Variants in PDCD6IP observed in about 807,000 individuals in gnomAD.
The protein encoded by PDCD6IP is programmed cell death 6 interacting protein.
A neutral mutation model predicts 103.7 loss-of-function variants in PDCD6IP; 43 were observed. That is an observed-to-expected ratio of 0.41 (90% CI 0.32 to 0.53). The LOEUF (loss-of-function observed/expected upper bound fraction) is 0.53. Among genes scored for constraint, PDCD6IP ranks in the 20% least tolerant of loss-of-function variants. PDCD6IP has a pLI of 0.16. For missense variants in PDCD6IP, 871 were observed against 1,036.7 expected (o/e 0.84, Z 2.20); for synonymous variants, 354 against 378.7 (o/e 0.93, Z 0.76).
intron 7 of PDCD6IP, chr3:33,835,214 A>G (rs1288163201): frequency 2.2e-6 from 1 of 456,482 alleles, no homozygotes; most frequent in South Asian, 1.5e-5. Context: ...TGATGTTGAC[A>G]TGTTGTTCAC....
intron 9 of PDCD6IP, among the ~76,000 whole-genome samples, chr3:33,841,400 A>ATT (rs201496271): frequency 3.5e-4 from 25 of 71,438 alleles, no homozygotes; most frequent in Non-Finnish European, 5.9e-4. Context: ...TCAATCACTG[A>ATT]TTTTTTTTGT....
chr3:33,844,052 T>C lies in PDCD6IP; in HGVS notation c.1360-60T>C, dbSNP rs541044586. The C allele has an allele frequency of 8.0e-5, 78 of 977,306 alleles. No homozygotes were observed. In the African/African-American group the frequency reaches 1.2e-3, roughly 15 times the overall value. 60.5% of individuals were successfully genotyped at this position (977,306 alleles called of 1,614,324 possible). On this transcript the variant is annotated intron_variant, in intron 10 of 17. Coordinates refer to ENST00000307296, the MANE Select transcript of PDCD6IP (RefSeq NM_013374.6). ...ATATTGTGTATGAACATTTATTAAA[T>C]GTATTAAAGTTTTTATACCAGAAAT... is the stretch of plus-strand genomic sequence containing the variant.
chr3:33,822,345 A>G (rs1372493289), intron 4 of PDCD6IP, among the ~76,000 whole-genome samples: 3 of 152,206 alleles, frequency 2.0e-5, no homozygotes, highest in Non-Finnish European at 1.5e-5. Flanking sequence ...TTGGTTGAAG[A>G]AATTATGAAA....
At chr3:33,846,947 C>G (rs1403133037) in intron 12 of PDCD6IP, among the ~76,000 whole-genome samples, 1 of 152,098 alleles carries the variant, frequency 6.6e-6, no homozygotes, top group East Asian at 1.9e-4. Flanking sequence ...GAAGAGAAGG[C>G]TACATAGTTG....
At chr3:33,815,120 A>G (rs895277615) in intron 3 of PDCD6IP, among the ~76,000 whole-genome samples, 6 of 149,084 alleles carry the variant, frequency 4.0e-5, no homozygotes, top group African/African-American at 1.5e-4. Flanking sequence ...TATCTTATAT[A>G]AGGTTTATAC....
At chr3:33,818,006 T>A (rs1696894089) in intron 3 of PDCD6IP, among the ~76,000 whole-genome samples, 1 of 151,484 alleles carries the variant, frequency 6.6e-6, no homozygotes, top group East Asian at 1.9e-4. Context: ...TCTGGTATGA[T>A]AATATTTATG....
At chr3:33,837,910 A>G (rs1162364111) in intron 8 of PDCD6IP, among the ~76,000 whole-genome samples, 2 of 152,184 alleles carry the variant, frequency 1.3e-5, no homozygotes, top group Non-Finnish European at 2.9e-5. Context: ...TAATCAACAG[A>G]TGAACAGTGT....
At chr3:33,838,173 A>G (rs1697392055) in intron 8 of PDCD6IP, 31 bp from the exon 9 acceptor site, 14 of 1,607,116 alleles carry the variant, frequency 8.7e-6, no homozygotes, top group Non-Finnish European at 1.2e-5. Context: ...TTGTCTAAAA[A>G]TTTTGTTGTA....
chr3:33,821,658 A>G (rs1696994447), intron 3 of PDCD6IP, among the ~76,000 whole-genome samples: 1 of 152,234 alleles, frequency 6.6e-6, no homozygotes, highest in Non-Finnish European at 1.5e-5. Context: ...GAGAAATGAC[A>G]TGAAAATGAC....
chr3:33,813,555 C>G lies in PDCD6IP; in HGVS notation c.265-4C>G, dbSNP rs1260896016. ...AATTTTCTGTTTTCTTTCATTCTAT[C>G]CAGATCTGCTTGACATTTACCTGGA... On this transcript the variant is annotated splice_polypyrimidine_tract_variant and splice_region_variant and intron_variant, in intron 2 of 17. Transcript: ENST00000307296. 3.8e-6 allele frequency: 6 copies of G among 1,591,364 alleles called. No individual in the cohort carries two copies. The highest frequency in any genetic ancestry group is 5.2e-6 in the Non-Finnish European group (6 of 1,160,918).
rs541667119 is a variant in PDCD6IP, at chr3:33,867,370, T to C, written c.*845T>C. ...TTCTGGTAATAATTCTTGCATTTTTTCCCCATAACCTGGTTAAAATAAATA... is the reference window on the plus strand; with the variant it reads ...TTCTGGTAATAATTCTTGCATTTTTCCCCCATAACCTGGTTAAAATAAATA... On this transcript the variant is annotated 3_prime_UTR_variant, in exon 18 of 18. Coordinates refer to ENST00000307296, the MANE Select transcript of PDCD6IP (RefSeq NM_013374.6). 4.6e-5 allele frequency: 7 copies of C among 152,312 alleles called. No individual in the cohort carries two copies. The highest frequency in any genetic ancestry group is 7.2e-5 in the African/African-American group (3 of 41,584). The allele number at this position is 152,312 out of a possible 1,614,324, so 9.4% of individuals were successfully genotyped here.
intron 3 of PDCD6IP, among the ~76,000 whole-genome samples, chr3:33,815,215 C>T (rs192665333): frequency 1.3e-5 from 2 of 151,100 alleles, no homozygotes; most frequent in African/African-American, 4.8e-5. Flanking sequence ...ATTGTTATGG[C>T]TTGTAACCAT....
In PDCD6IP at chr3:33,865,279, C is replaced by A; in HGVS notation, c.2281C>A (p.Pro761Thr). The change falls in exon 17 of 18, where the codon CCT becomes ACT. Residue 761 changes from proline (P) to threonine (T), a missense_variant. Around this residue, in one of 5 missense-constraint regions of PDCD6IP, gnomAD observed 202 missense variants for 205.2 expected, o/e 0.98. Coordinates refer to ENST00000307296, the MANE Select transcript of PDCD6IP (RefSeq NM_013374.6). ...CCAGCCCCCAGCCAGGCCTCCACCACCTGTGCTTCCAGCAAATCGAGCTCC... is the reference window on the plus strand; with the variant it reads ...CCAGCCCCCAGCCAGGCCTCCACCAACTGTGCTTCCAGCAAATCGAGCTCC... ...KPQPPARPPP[P>T]VLPANRAPSA... The A allele has an allele frequency of 1.9e-6, 3 of 1,586,316 alleles. No homozygotes were observed. The highest frequency in any genetic ancestry group is 2.6e-6 in the Non-Finnish European group (3 of 1,168,060).
rs1246695454 is a variant in PDCD6IP, at chr3:33,798,917, C to G, written c.189C>G (p.Gly63=). Residue 63 remains glycine, a synonymous_variant, in exon 1 of 18, where the codon GGC becomes GGG. Transcript: ENST00000307296. The part of the protein sequence containing the change: ...AVGRPLDKHE[G]ALETLLRYYD... ...GTCGTCCGCTGGACAAGCACGAGGG[C>G]GCGCTCGAGACGCTCCTGAGGTGGG... 1 of 1,540,214 alleles carries G rather than the reference C, an allele frequency of 6.5e-7. No homozygotes were observed. The highest frequency in any genetic ancestry group is 8.8e-7 in the Non-Finnish European group (1 of 1,139,542).
At position 33,836,020 on chromosome 3, in the gene PDCD6IP, T is replaced by C. The variant is rs369996981; in HGVS notation, c.835-24T>C. 3.3e-4 allele frequency: 414 copies of C among 1,241,306 alleles called. 1 individual carries two copies. The African/African-American group carries it at 5.6e-3, about 17-fold the overall frequency. The allele number at this position is 1,241,306 out of a possible 1,614,324, so 76.9% of individuals were successfully genotyped here. ...AAATCACCTCCCTCTTTTTTTTTTT[T>C]GTTGTTGACGTTTTTCTTTTTAGCA... On this transcript the variant is annotated intron_variant, in intron 7 of 17. Coordinates refer to ENST00000307296, the MANE Select transcript of PDCD6IP (RefSeq NM_013374.6).
At chr3:33,800,103 G>A (rs1195892070) in intron 1 of PDCD6IP, among the ~76,000 whole-genome samples, 3 of 120,428 alleles carry the variant, frequency 2.5e-5, no homozygotes, top group African/African-American at 9.8e-5. Context: ...CTGGGCGACA[G>A]AGTGAGACTC....
In PDCD6IP at chr3:33,867,562, T is replaced by C. The variant is rs1698092695; in HGVS notation, c.*1037T>C. On this transcript the variant is annotated 3_prime_UTR_variant, in exon 18 of 18. Coordinates refer to ENST00000307296, the MANE Select transcript of PDCD6IP (RefSeq NM_013374.6). ...TTTTTCCTTAAAGATTGGAGTATTT[T>C]ATAATTCAAGGAGCATACAAAACAA... The C allele has an allele frequency of 1.3e-5, 2 of 152,204 alleles. No individual in the cohort carries two copies. Among genetic ancestry groups the C allele is most frequent in the Admixed American group, 6.5e-5 (1 of 15,276 alleles). The allele number at this position is 152,204 out of a possible 1,614,324, so 9.4% of individuals were successfully genotyped here.
chr3:33,827,019 C>T (rs1176896238), intron 6 of PDCD6IP: 2 of 993,072 alleles, frequency 2.0e-6, no homozygotes, highest in Non-Finnish European at 1.2e-6. Context: ...GAAAAGAAAA[C>T]TTAACAAATT....
chr3:33,838,377 T>C, intron 9 of PDCD6IP, 50 bp downstream of exon 9: 1 of 1,501,104 alleles, frequency 6.7e-7, no homozygotes, highest in African/African-American at 1.4e-5. Flanking sequence ...TGGTTGTTCT[T>C]TAGTTTATGA....
Sources: gnomAD v4.1 joint callset for allele counts (sites outside exome capture counted in the v4.1 genomes callset) on GRCh38, gnomAD v4.1.1 for gene constraint, gnomAD v4.1.1 regional missense constraint, MANE v1.5 for transcripts, NCBI Gene and HGNC (gene_info 2026-07-23, HGNC 2026-07-21) for gene names.